The following NBEAL1 variants were observed in gnomAD, a reference collection of about 807,000 sequenced individuals.
NBEAL1 encodes the protein neurobeachin-like protein 1.
In NBEAL1, 273 loss-of-function variants were observed where a neutral mutation model predicts 351.3. The ratio of observed to expected loss-of-function variants is 0.78; its 90% CI spans 0.70 to 0.86. The LOEUF (loss-of-function observed/expected upper bound fraction) is 0.86. Among genes scored for constraint, NBEAL1 ranks in the 40% least tolerant of loss-of-function variants. NBEAL1 has a pLI of 0.00. For missense variants in NBEAL1, 2,961 were observed against 3,201.3 expected (o/e 0.92, Z 1.81); for synonymous variants, 1,050 against 1,086.4 (o/e 0.97, Z 0.66).
At chr2:203,132,214 T>G in intron 26 of NBEAL1, 82 bp downstream of exon 26, 1 of 896,614 alleles carries the variant, frequency 1.1e-6, no homozygotes. Flanking sequence ...TCAGGCTGCT[T>G]TTAAAATATC....
rs748835086 is a variant in NBEAL1 at position 203,213,645 on chromosome 2, C to T, written c.8062C>T (p.Pro2688Ser). ...ATTGATTGTAGTGGGTGTTGGCAAG[C>T]CTGCTGAGGTAAAACCTAGCATCAG... ...GKLIVVGVGK[P>S]AEMRSGQLSR... The change falls in exon 55 of 56, where the codon CCT becomes TCT. Residue 2688 changes from proline (P) to serine (S), a missense_variant. Coordinates refer to ENST00000683969, the MANE Select transcript of NBEAL1 (RefSeq NM_001378026.1). 3.7e-6 allele frequency: 6 copies of T among 1,613,582 alleles called. No homozygotes were observed. The African/African-American group carries it at 6.7e-5, about 18-fold the overall frequency.
chr2:203,108,596 G>A (rs539351454), intron 14 of NBEAL1, among the ~76,000 whole-genome samples: 38 of 151,850 alleles, frequency 2.5e-4, no homozygotes, highest in Admixed American at 6.6e-4. Flanking sequence ...GTAGAGATGG[G>A]GTTTCACCGT....
In NBEAL1 at chr2:203,188,572, A is replaced by G. The variant is rs1372565499; in HGVS notation, c.6806A>G (p.Tyr2269Cys). ...PAAVEALNVFYYCSYEGAVDL... is the reference protein window; with the variant it reads ...PAAVEALNVFCYCSYEGAVDL... The stretch of plus-strand genomic sequence containing the variant: ...GCAGTAGAGGCACTCAACGTTTTCT[A>G]TTATTGTAGTTATGAAGGTATAAAT... Residue 2269 changes from tyrosine to cysteine, a missense_variant, in exon 45 of 56, where the codon TAT becomes TGT. Transcript: ENST00000683969. 6.9e-6 allele frequency: 11 copies of G among 1,596,006 alleles called. No individual in the cohort carries two copies. Among genetic ancestry groups the G allele is most frequent in the African/African-American group, 1.3e-5 (1 of 74,620 alleles).
Position 203,145,085 on chromosome 2 carries a change from G to A in NBEAL1, c.5229G>A (p.Lys1743=), listed in dbSNP as rs2063476905. Residue 1743 remains lysine (K), a synonymous_variant, in exon 33 of 56, where the codon AAG becomes AAA. Coordinates refer to ENST00000683969, the MANE Select transcript of NBEAL1 (RefSeq NM_001378026.1). ...ATGAGAACATGGCACTTTATTGGAA[G>A]GATTGTTATGAAGCTTTAATGGTAA... is the stretch of plus-strand genomic sequence containing the variant. ...DGHENMALYW[K]DCYEALMVNM... 1.2e-6 allele frequency: 2 copies of A among 1,613,392 alleles called. No individual in the cohort carries two copies. Among genetic ancestry groups the A allele is most frequent in the Non-Finnish European group, 1.7e-6 (2 of 1,179,728 alleles).
intron 23 of NBEAL1, among the ~76,000 whole-genome samples, chr2:203,127,336 A>G (rs1194309097): frequency 6.6e-6 from 1 of 152,264 alleles, no homozygotes; most frequent in Non-Finnish European, 1.5e-5. Context: ...GATTTTCCTT[A>G]AAAAGAAAAG....
At chr2:203,210,494 T>C (rs552633390) in intron 53 of NBEAL1, among the ~76,000 whole-genome samples, 27 of 151,962 alleles carry the variant, frequency 1.8e-4, no homozygotes, top group Non-Finnish European at 2.1e-4. Context: ...ACCCCGTCTC[T>C]ACTAAAAATG....
At chr2:203,035,855 A>G (rs535041383) in intron 2 of NBEAL1, among the ~76,000 whole-genome samples, 2 of 149,508 alleles carry the variant, frequency 1.3e-5, no homozygotes, top group Admixed American at 1.3e-4. Flanking sequence ...ATTTGGGCAC[A>G]TAGTAGATTA....
At chr2:203,043,453 A>C (rs1302626203) in intron 3 of NBEAL1, among the ~76,000 whole-genome samples, 1 of 152,114 alleles carries the variant, frequency 6.6e-6, no homozygotes, top group Non-Finnish European at 1.5e-5. Context: ...GTTTAAGATA[A>C]GTGTTGGCCG....
chr2:203,224,940 T>C lies in NBEAL1; in HGVS notation c.*7586T>C, dbSNP rs998292033. On this transcript the variant is annotated 3_prime_UTR_variant, in exon 56 of 56. Coordinates refer to ENST00000683969, the MANE Select transcript of NBEAL1 (RefSeq NM_001378026.1). ...TTCCTCATCCTTTTAAAATTAAATA[T>C]ATAAGATGTATGTTTTGTTTTATTA... Among the ~76,000 whole-genome samples, 1 of 152,178 alleles carries C rather than the reference T, an allele frequency of 6.6e-6. No homozygotes were observed. Among genetic ancestry groups the C allele is most frequent in the African/African-American group, 2.4e-5 (1 of 41,452 alleles).
chr2:203,106,933 A>G (rs947319073), intron 12 of NBEAL1, among the ~76,000 whole-genome samples: 1 of 152,204 alleles, frequency 6.6e-6, no homozygotes, highest in African/African-American at 2.4e-5. Flanking sequence ...ATTTAGATAC[A>G]AGTAGCAGAG....
At chr2:203,195,731 C>A (rs776815995) in intron 47 of NBEAL1, among the ~76,000 whole-genome samples, 1 of 152,160 alleles carries the variant, frequency 6.6e-6, no homozygotes, top group Admixed American at 6.6e-5. Context: ...CTACTTAATT[C>A]TTTCAGTAAT....
rs577027221 is a variant in NBEAL1, at chr2:203,058,825, TAGA to T, written c.515+1375_515+1377del. On this transcript the variant is annotated intron_variant, in intron 6 of 55. Coordinates refer to ENST00000683969, the MANE Select transcript of NBEAL1 (RefSeq NM_001378026.1). ...GCAGCATCACAAAGCAGAGAGAATA[TAGA>T]AGGGTGGGTTGGTAGCTTAGTGACA... 6.6e-5 allele frequency among the ~76,000 whole-genome samples: 10 copies of T among 152,264 alleles called. No individual in the cohort carries two copies. In the South Asian group the frequency reaches 2.1e-3, roughly 32 times the overall value.
At chr2:203,139,393 A>G (rs1255021364) in intron 31 of NBEAL1, among the ~76,000 whole-genome samples, 1 of 151,900 alleles carries the variant, frequency 6.6e-6, no homozygotes, top group Non-Finnish European at 1.5e-5. Flanking sequence ...TAAGATTTTC[A>G]CAGCTATTTA....
At chr2:203,077,060 AT>A (rs1490061397) in intron 7 of NBEAL1, among the ~76,000 whole-genome samples, 1 of 152,076 alleles carries the variant, frequency 6.6e-6, no homozygotes, top group East Asian at 1.9e-4. Flanking sequence ...ATTATAAATT[AT>A]TTTATTTTAT....
intron 19 of NBEAL1, among the ~76,000 whole-genome samples, chr2:203,123,864 G>A (rs2062881709): frequency 6.6e-6 from 1 of 152,044 alleles, no homozygotes; most frequent in Non-Finnish European, 1.5e-5. Context: ...TTTGGCTAAT[G>A]TGGAAATCAA....
intron 2 of NBEAL1, among the ~76,000 whole-genome samples, chr2:203,030,802 G>T (rs1455371132): frequency 1.3e-5 from 2 of 152,128 alleles, no homozygotes; most frequent in African/African-American, 4.8e-5. Flanking sequence ...TGAGATGAAA[G>T]GATCACTTGA....
At chr2:203,079,048 G>A (rs2061827571) in intron 8 of NBEAL1, among the ~76,000 whole-genome samples, 1 of 152,088 alleles carries the variant, frequency 6.6e-6, no homozygotes, top group Non-Finnish European at 1.5e-5. Flanking sequence ...TTTTACTGAT[G>A]ACAAAATCAC....
chr2:203,020,622 G>A (rs1338791878), intron 2 of NBEAL1, among the ~76,000 whole-genome samples: 1 of 148,070 alleles, frequency 6.8e-6, no homozygotes, highest in Non-Finnish European at 1.5e-5. Context: ...AGTGAGCCGA[G>A]ATTACGCCAT....
At chr2:203,193,545 G>A (rs559216682) in intron 46 of NBEAL1, among the ~76,000 whole-genome samples, 44 of 151,974 alleles carry the variant, frequency 2.9e-4, no homozygotes, top group African/African-American at 9.9e-4. Flanking sequence ...TAATAAAAGA[G>A]AATAATACAT....
Sources: allele counts gnomAD v4.1 joint callset (sites outside exome capture counted in the v4.1 genomes callset), GRCh38; gene constraint gnomAD v4.1.1; transcripts MANE v1.5; gene names NCBI Gene and HGNC (gene_info 2026-07-23, HGNC 2026-07-21).